The following FSHR variants were observed in gnomAD, a reference collection of about 807,000 sequenced individuals.
FSHR encodes follicle stimulating hormone receptor, also known as follicle-stimulating hormone receptor.
Under a neutral mutation model 52.1 loss-of-function variants are expected in FSHR, and 46 were observed. That is an observed-to-expected ratio of 0.88 (90% CI 0.70 to 1.13). The LOEUF (loss-of-function observed/expected upper bound fraction) is 1.13, where lower values mean the gene tolerates loss of function less well. FSHR is among the 50% of genes most tolerant of loss of function. The pLI is 0.00. For missense variants in FSHR, 964 were observed against 834.6 expected (o/e 1.16, Z -1.91); for synonymous variants, 399 against 309.6 (o/e 1.29, Z -3.03).
At chr2:49,132,968 T>TA (rs34913428) in intron 1 of FSHR, among the ~76,000 whole-genome samples, 855 of 48,640 alleles carry the variant, frequency 0.018, 101 homozygotes, top group African/African-American at 0.069. Flanking sequence ...TAAAACTCAG[T>TA]AAAAAAAAAA....
intron 9 of FSHR, 107 bp from the exon 10 acceptor site, chr2:48,964,073 T>G: frequency 8.3e-7 from 1 of 1,204,290 alleles, no homozygotes; most frequent in South Asian, 1.4e-5. Flanking sequence ...CTGAGATTTT[T>G]TTTTTTTCTT....
chr2:49,129,254 C>A lies in FSHR; in HGVS notation c.152+25012G>T, dbSNP rs571443494. On this transcript the variant is annotated intron_variant, in intron 1 of 9. Coordinates refer to ENST00000406846, the MANE Select transcript of FSHR (RefSeq NM_000145.4). ...CCTCACACCTCACGTCACCCATCAACACCTATTGATTCTGAGTCATCCCTT... is the reference window on the plus strand; with the variant it reads ...CCTCACACCTCACGTCACCCATCAAAACCTATTGATTCTGAGTCATCCCTT... Among the ~76,000 whole-genome samples the A allele has an allele frequency of 7.9e-5, 12 of 152,250 alleles. No homozygotes were observed. In the East Asian group the frequency reaches 2.1e-3, roughly 27 times the overall value.
intron 2 of FSHR, among the ~76,000 whole-genome samples, chr2:49,065,223 C>T (rs12473815): frequency 0.35 from 52,417 of 151,892 alleles, 9,701 homozygotes; most frequent in East Asian, 0.49. Context: ...AAGTCTGCAG[C>T]GAGGAAGATC....
chr2:49,035,498 A>G (rs999371508), intron 2 of FSHR, among the ~76,000 whole-genome samples: 1 of 152,122 alleles, frequency 6.6e-6, no homozygotes, highest in South Asian at 2.1e-4. Flanking sequence ...CTCTGTGGCT[A>G]TGCCTACCTT....
At chr2:49,080,750 AGTGGTG>A (rs1670136334) in intron 1 of FSHR, among the ~76,000 whole-genome samples, 1 of 152,162 alleles carries the variant, frequency 6.6e-6, no homozygotes, top group Non-Finnish European at 1.5e-5. Flanking sequence ...TGCCCCTCCC[AGTGGTG>A]GTGGCTAATG....
chr2:49,036,962 G>A (rs72877838), intron 2 of FSHR, among the ~76,000 whole-genome samples: 5,081 of 152,210 alleles, frequency 0.033, 291 homozygotes, highest in African/African-American at 0.12. Flanking sequence ...ATGCATTGAA[G>A]CAAAAAACCA....
intron 4 of FSHR, among the ~76,000 whole-genome samples, chr2:49,007,407 T>G (rs1053159364): frequency 6.6e-6 from 1 of 152,014 alleles, no homozygotes; most frequent in Non-Finnish European, 1.5e-5. Context: ...AACATAAAAA[T>G]GGGAAGCATT....
intron 4 of FSHR, among the ~76,000 whole-genome samples, chr2:49,009,140 TA>T (rs1397669766): frequency 6.6e-6 from 1 of 151,952 alleles, no homozygotes; most frequent in East Asian, 1.9e-4. Context: ...AGTTTTCTTC[TA>T]GGGTTTTTAT....
chr2:48,972,444 C>T (rs1464653970), intron 8 of FSHR, among the ~76,000 whole-genome samples: 3 of 152,178 alleles, frequency 2.0e-5, no homozygotes. Context: ...AATCTTTGAT[C>T]TCTGCTGCTG....
At chr2:49,102,895 A>T (rs1671086045) in intron 1 of FSHR, among the ~76,000 whole-genome samples, 1 of 152,120 alleles carries the variant, frequency 6.6e-6, no homozygotes, top group South Asian at 2.1e-4. Flanking sequence ...CAAGGATGGA[A>T]AGGCATCCTT....
chr2:49,138,401 C>G (rs1034298496), intron 1 of FSHR, among the ~76,000 whole-genome samples: 9 of 152,210 alleles, frequency 5.9e-5, no homozygotes, highest in Middle Eastern at 3.4e-3. Context: ...AACTTGTACA[C>G]AAATGTTTAA....
At chr2:49,012,295 C>T (rs1104988) in intron 4 of FSHR, among the ~76,000 whole-genome samples, 1 of 152,048 alleles carries the variant, frequency 6.6e-6, no homozygotes, top group African/African-American at 2.4e-5. Context: ...TCCAGGAAGG[C>T]AGAGCAGTAA....
At chr2:49,113,612 C>T (rs910374011) in intron 1 of FSHR, among the ~76,000 whole-genome samples, 88 of 152,154 alleles carry the variant, frequency 5.8e-4, no homozygotes, top group African/African-American at 2.0e-3. Flanking sequence ...TACTTTAACC[C>T]GTGAGAACAA....
At chr2:49,056,710 C>T (rs1294214076) in intron 2 of FSHR, among the ~76,000 whole-genome samples, 1 of 151,850 alleles carries the variant, frequency 6.6e-6, no homozygotes, top group East Asian at 1.9e-4. Flanking sequence ...TACAAATTCT[C>T]ATCATCAGCA....
At chr2:49,056,448 ATATATATATATATAT>A (rs1669066261) in intron 2 of FSHR, among the ~76,000 whole-genome samples, 1 of 7,792 alleles carries the variant, frequency 1.3e-4, no homozygotes, top group Non-Finnish European at 2.6e-4. Flanking sequence ...CAATTGGAAT[ATATATATATATATAT>A]ATATATATAT....
intron 9 of FSHR, among the ~76,000 whole-genome samples, chr2:48,964,452 T>G (rs1674380425): frequency 6.6e-6 from 1 of 152,206 alleles, no homozygotes; most frequent in African/African-American, 2.4e-5. Context: ...GATCAAAATC[T>G]GTAGTTAGTT....
At chr2:49,084,543 A>T (rs1670302132) in intron 1 of FSHR, among the ~76,000 whole-genome samples, 1 of 152,230 alleles carries the variant, frequency 6.6e-6, no homozygotes, top group Non-Finnish European at 1.5e-5. Flanking sequence ...TCAAAAAATT[A>T]ATGAATCCAG....
intron 1 of FSHR, among the ~76,000 whole-genome samples, chr2:49,148,135 C>A (rs752656462): frequency 6.6e-6 from 1 of 151,970 alleles, no homozygotes; most frequent in East Asian, 1.9e-4. Context: ...AAATCACTTT[C>A]CTCTTTTCGA....
rs762390783 is a variant in FSHR at position 48,963,306 on chromosome 2, G to A, written c.1515C>T (p.Ile505=). ...IFAFAAALFP[I]FGISSYMKVS... ...CCTTCATGTAGCTGCTGATGCCAAA[G>A]ATGGGAAAGAGGGCAGCTGCAAAAG... Residue 505 remains isoleucine (I), a synonymous_variant, in exon 10 of 10, where the codon ATC becomes ATT. Coordinates refer to ENST00000406846, the MANE Select transcript of FSHR (RefSeq NM_000145.4). 4.3e-6 allele frequency: 7 copies of A among 1,613,938 alleles called. No homozygotes were observed. The highest frequency in any genetic ancestry group is 5.9e-6 in the Non-Finnish European group (7 of 1,179,996).
Sources: allele counts gnomAD v4.1 joint callset (sites outside exome capture counted in the v4.1 genomes callset), GRCh38; gene constraint gnomAD v4.1.1; transcripts MANE v1.5; gene names NCBI Gene and HGNC (gene_info 2026-07-23, HGNC 2026-07-21).